Variants in SPTBN1 observed in about 807,000 individuals in gnomAD.
The protein encoded by SPTBN1 is spectrin beta chain, non-erythrocytic 1.
SPTBN1 carries 32 observed loss-of-function variants against 266.4 expected under a neutral mutation model. That is an observed-to-expected ratio of 0.12 (90% CI 0.09 to 0.16). The LOEUF (loss-of-function observed/expected upper bound fraction) is 0.16. Ranked by LOEUF, SPTBN1 falls within the 10% of genes least tolerant of loss-of-function variation. The pLI, the probability that SPTBN1 is intolerant of heterozygous loss-of-function variation, is 1.00. For synonymous variants in SPTBN1, 1,336 were observed against 1,162.2 expected (o/e 1.15, Z -3.04); for missense variants, 2,296 against 3,067.1 (o/e 0.75, Z 5.94).
At position 54,618,153 on chromosome 2, in the gene SPTBN1, A is replaced by G. The variant is rs758259945; in HGVS notation, c.723A>G (p.Ala241=). 3 of 1,614,134 alleles carry G rather than the reference A, an allele frequency of 1.9e-6. No homozygotes were observed. The highest frequency in any genetic ancestry group is 2.5e-6 in the Non-Finnish European group (3 of 1,180,050). ...HYNLQNAFNL[A]EQHLGLTKLL... ...ACCTGCAGAATGCATTTAATCTGGC[A>G]GAACAGCACCTCGGCCTCACTAAAC... Residue 241 remains alanine, a synonymous_variant, in exon 7 of 36, where the codon GCA becomes GCG. Coordinates refer to ENST00000356805, the MANE Select transcript of SPTBN1 (RefSeq NM_003128.3).
intron 3 of SPTBN1, among the ~76,000 whole-genome samples, chr2:54,609,996 T>C (rs1677103880): frequency 6.6e-6 from 1 of 152,218 alleles, no homozygotes; most frequent in Non-Finnish European, 1.5e-5. Flanking sequence ...GTCCTGGTGC[T>C]CACCTCTCTT....
rs1680926472 is a variant in SPTBN1, at chr2:54,659,957, A to T, written c.6378A>T (p.Gln2126His). 2 of 1,613,996 alleles carry T rather than the reference A, an allele frequency of 1.2e-6. No homozygotes were observed. Among genetic ancestry groups the T allele is most frequent in the Non-Finnish European group, 1.7e-6 (2 of 1,180,034 alleles). ...ACAGGGATACTTCAAAAGGAGAACA[A>T]GTTTCCCAAAACGGTTTGCCAGCTG... ...QQQWDTSKGE[Q>H]VSQNGLPAEQ... The change falls in exon 32 of 36, where the codon CAA becomes CAT. Residue 2126 changes from glutamine to histidine, a missense_variant. Gln to His is a conservative substitution (Grantham distance 24). Around this residue, in one of 12 missense-constraint regions of SPTBN1, gnomAD observed 347 missense variants for 368.5 expected, o/e 0.94. Transcript: ENST00000356805.
At chr2:54,465,651 T>C (rs1573204034) in intron 1 of SPTBN1, among the ~76,000 whole-genome samples, 1 of 101,302 alleles carries the variant, frequency 9.9e-6, no homozygotes, top group Admixed American at 9.0e-5. Context: ...TATATATATA[T>C]ATATATATAT....
chr2:54,610,996 T>G (rs1677170817), intron 3 of SPTBN1, among the ~76,000 whole-genome samples: 1 of 152,130 alleles, frequency 6.6e-6, no homozygotes, highest in Non-Finnish European at 1.5e-5. Flanking sequence ...ACAGTAGGAG[T>G]TAGAGATGGC....
intron 1 of SPTBN1, among the ~76,000 whole-genome samples, chr2:54,508,518 T>C (rs1669696277): frequency 6.6e-6 from 1 of 152,060 alleles, no homozygotes; most frequent in Non-Finnish European, 1.5e-5. Context: ...TTCTAAGAGG[T>C]GGGCTAGCGG....
At chr2:54,460,149 A>G (rs536170431) in intron 1 of SPTBN1, among the ~76,000 whole-genome samples, 9 of 152,326 alleles carry the variant, frequency 5.9e-5, no homozygotes, top group Non-Finnish European at 1.0e-4. Flanking sequence ...AACTCAGCCA[A>G]TCGGAATCAA....
chr2:54,508,779 G>A (rs756531714), intron 1 of SPTBN1, among the ~76,000 whole-genome samples: 46 of 152,328 alleles, frequency 3.0e-4, no homozygotes, highest in South Asian at 2.3e-3. Flanking sequence ...CAGCATAGGC[G>A]TTGTCCAGAG....
intron 35 of SPTBN1, 71 bp downstream of exon 35, chr2:54,667,717 TTCAG>T: frequency 7.4e-7 from 1 of 1,349,796 alleles, no homozygotes; most frequent in Non-Finnish European, 1.1e-6. Context: ...ATGGGCTTTA[TTCAG>T]AAAGTTCTTC....
intron 2 of SPTBN1, among the ~76,000 whole-genome samples, chr2:54,559,781 T>TA (rs1444959406): frequency 1.3e-5 from 2 of 152,172 alleles, no homozygotes; most frequent in Admixed American, 6.5e-5. Flanking sequence ...TCTAGCACTG[T>TA]AAAAAAGTAG....
At chr2:54,625,416 C>G (rs1490075993) in intron 11 of SPTBN1, among the ~76,000 whole-genome samples, 1 of 152,022 alleles carries the variant, frequency 6.6e-6, no homozygotes, top group African/African-American at 2.4e-5. Context: ...TGAGCAGTTA[C>G]TAGTTTGCTT....
chr2:54,579,333 C>A (rs1409738897), intron 2 of SPTBN1, among the ~76,000 whole-genome samples: 1 of 152,176 alleles, frequency 6.6e-6, no homozygotes, highest in East Asian at 1.9e-4. Context: ...GCCAGGTTAT[C>A]AACTACCATT....
At chr2:54,547,033 ACTATGT>A (rs1672285018) in intron 2 of SPTBN1, among the ~76,000 whole-genome samples, 1 of 151,994 alleles carries the variant, frequency 6.6e-6, no homozygotes, top group Non-Finnish European at 1.5e-5. Flanking sequence ...AGTAGAGTTA[ACTATGT>A]TCATATTGTT....
At position 54,606,997 on chromosome 2, in the gene SPTBN1, T is replaced by C. The variant is rs371349642; in HGVS notation, c.301-5164T>C. On this transcript the variant is annotated intron_variant, in intron 3 of 35. Coordinates refer to ENST00000356805, the MANE Select transcript of SPTBN1 (RefSeq NM_003128.3). ...TTGATGCAACCTGGCATTGCACAAA[T>C]AGCAAATTCTAGCATTTCCCACATA... Among the ~76,000 whole-genome samples the C allele has an allele frequency of 7.2e-5, 11 of 152,344 alleles. No homozygotes were observed. The East Asian group carries it at 2.1e-3, about 29-fold the overall frequency.
chr2:54,576,703 A>C (rs570858513), intron 2 of SPTBN1, among the ~76,000 whole-genome samples: 18 of 152,294 alleles, frequency 1.2e-4, no homozygotes, highest in African/African-American at 4.1e-4. Context: ...GGAGCCATCA[A>C]ATCCATCCAC....
At chr2:54,541,531 A>G (rs6729826) in intron 2 of SPTBN1, among the ~76,000 whole-genome samples, 107,826 of 152,122 alleles carry the variant, frequency 0.71, 38,513 homozygotes, top group Non-Finnish European at 0.74. Flanking sequence ...TCATTTAATC[A>G]GTCGTAATCT....
chr2:54,532,392 C>A (rs1189988292), intron 2 of SPTBN1, among the ~76,000 whole-genome samples: 2 of 152,192 alleles, frequency 1.3e-5, no homozygotes, highest in Non-Finnish European at 2.9e-5. Flanking sequence ...TATTAACATG[C>A]AATCCTCATG....
At position 54,533,685 on chromosome 2, in the gene SPTBN1, G is replaced by A. The variant is rs1671405761; in HGVS notation, c.148+7119G>A. On this transcript the variant is annotated intron_variant, in intron 2 of 35. Transcript: ENST00000356805. The surrounding 1 kb of genome is among the most constrained non-coding windows in gnomAD (Gnocchi z 4.2). ...CCTGCCTCAGCTTCCCGAGTAGCTG[G>A]GACTACAGGCACCCGCCACCACACC... is the stretch of plus-strand genomic sequence containing the variant. Among the ~76,000 whole-genome samples, 1 of 151,978 alleles carries A rather than the reference G, an allele frequency of 6.6e-6. No individual in the cohort carries two copies. Among genetic ancestry groups the A allele is most frequent in the Non-Finnish European group, 1.5e-5 (1 of 67,984 alleles).
At position 54,621,465 on chromosome 2, in the gene SPTBN1, T is replaced by C; in HGVS notation, c.829T>C (p.Phe277Leu). 6.2e-7 allele frequency: 1 copy of C among 1,614,182 alleles called. No individual in the cohort carries two copies. The highest frequency in any genetic ancestry group is 8.5e-7 in the Non-Finnish European group (1 of 1,180,012). ...TTATGTGGTGACTTATTACCACTAC[T>C]TCTCTAAGATGAAGGCCTTAGCTGT... ...ITYVVTYYHY[F>L]SKMKALAVEG... The change falls in exon 8 of 36, where the codon TTC (phenylalanine) becomes CTC (leucine). Residue 277 changes from phenylalanine (F) to leucine (L), a missense_variant. Around this residue, in one of 12 missense-constraint regions of SPTBN1, gnomAD observed 178 missense variants for 375.7 expected, o/e 0.47. Coordinates refer to ENST00000356805, the MANE Select transcript of SPTBN1 (RefSeq NM_003128.3).
chr2:54,644,200 A>G (rs1679772979), intron 19 of SPTBN1, 123 bp from the exon 20 acceptor site: 3 of 1,248,212 alleles, frequency 2.4e-6, no homozygotes, highest in Non-Finnish European at 2.2e-6. Flanking sequence ...TTCATGTGGA[A>G]AGACTGTGTG....
Sources: gnomAD v4.1 joint callset for allele counts (sites outside exome capture counted in the v4.1 genomes callset) on GRCh38, gnomAD v4.1.1 for gene constraint, gnomAD v4.1.1 regional missense constraint, Gnocchi (gnomAD v3.1) non-coding constraint, MANE v1.5 for transcripts, NCBI Gene and HGNC (gene_info 2026-07-23, HGNC 2026-07-21) for gene names.